Variants in LLGL2 observed in about 807,000 individuals in gnomAD.
The protein encoded by LLGL2 is LLGL scribble cell polarity complex component 2, also known as LLGL2, scribble cell polarity complex component.
Under a neutral mutation model 123.2 loss-of-function variants are expected in LLGL2, and 81 were observed. That is an observed-to-expected ratio of 0.66 (90% CI 0.55 to 0.79). The LOEUF (loss-of-function observed/expected upper bound fraction) is 0.79. Among genes scored for constraint, LLGL2 ranks in the 30% least tolerant of loss-of-function variants. The pLI is 0.00. For synonymous variants in LLGL2, 577 were observed against 594.1 expected (o/e 0.97, Z 0.42); for missense variants, 1,273 against 1,414.6 (o/e 0.90, Z 1.61).
At chr17:75,572,130 G>A in intron 19 of LLGL2, 66 bp downstream of exon 19, 1 of 1,493,204 alleles carries the variant, frequency 6.7e-7, no homozygotes, top group Non-Finnish European at 9.1e-7. Context: ...TCGGACCTTG[G>A]GCAAAAATGA....
At chr17:75,552,973 G>A (rs977456094) in intron 2 of LLGL2, among the ~76,000 whole-genome samples, 2 of 152,198 alleles carry the variant, frequency 1.3e-5, no homozygotes, top group South Asian at 2.1e-4. Context: ...AGCTGCCTCT[G>A]CTGCTGGGAA....
chr17:75,558,467 G>C lies in LLGL2; in HGVS notation c.256-45G>C, dbSNP rs1426057486. Reference sequence around the variant, plus strand: ...CGTGGCCCCAGTGTGTAAAGGCCTTGCCTGGGTAGCAAGACCACATGATCC... The same window carrying C: ...CGTGGCCCCAGTGTGTAAAGGCCTTCCCTGGGTAGCAAGACCACATGATCC... On this transcript the variant is annotated intron_variant, in intron 4 of 25. Transcript: ENST00000392550. The surrounding 1 kb of genome is among the most constrained non-coding windows in gnomAD (Gnocchi z 4.0). 1.3e-6 allele frequency: 2 copies of C among 1,510,132 alleles called. No individual in the cohort carries two copies. The highest frequency in any genetic ancestry group is 2.8e-5 in the African/African-American group (2 of 72,330). 93.5% of individuals were successfully genotyped at this position (1,510,132 alleles called of 1,614,324 possible).
At position 75,574,408 on chromosome 17, in the gene LLGL2, C is replaced by T. The variant is rs373944403; in HGVS notation, c.2954-45C>T. On this transcript the variant is annotated intron_variant, in intron 23 of 25. Transcript: ENST00000392550. ...AGGGGGTGGAAGGGCTGTGGCTAGC[C>T]GCCCCAAGGGCCTCAGTGGGCCTCT... The T allele has an allele frequency of 2.8e-5, 44 of 1,546,350 alleles. No individual in the cohort carries two copies. The South Asian group carries it at 3.7e-4, about 13-fold the overall frequency.
chr17:75,571,143 A>C, intron 17 of LLGL2, 43 bp downstream of exon 17: 2 of 1,531,486 alleles, frequency 1.3e-6, no homozygotes, highest in Non-Finnish European at 1.8e-6. Flanking sequence ...GGTAGTGGGC[A>C]GCAGACACCC....
chr17:75,573,262 C>T lies in LLGL2; in HGVS notation c.2709C>T (p.Phe903=), dbSNP rs764620516. 8 of 1,601,880 alleles carry T rather than the reference C, an allele frequency of 5.0e-6. No individual in the cohort carries two copies. Residue 903 remains phenylalanine, a synonymous_variant, in exon 20 of 26, where the codon TTC becomes TTT. Transcript: ENST00000392550. The stretch of plus-strand genomic sequence containing the variant: ...TCAGTGGCATCGCCTCCTGCGTCTT[C>T]ACCAAATATGGCCAAGGTGTTTGAG... ...EDVSGIASCV[F]TKYGQGFYLI...
intron 19 of LLGL2, 127 bp from the exon 20 acceptor site, chr17:75,572,887 G>T: frequency 8.8e-7 from 1 of 1,132,228 alleles, no homozygotes; most frequent in Non-Finnish European, 1.2e-6. Flanking sequence ...CCATGTCTGT[G>T]CATCTGAGAG....
chr17:75,570,730 C>A (rs1459340850), intron 16 of LLGL2, among the ~76,000 whole-genome samples: 1 of 152,232 alleles, frequency 6.6e-6, no homozygotes, highest in African/African-American at 2.4e-5. Flanking sequence ...CCCCAGTAAA[C>A]GTTAGTGATT....
rs143998947 is a variant in LLGL2, at chr17:75,570,237, G to A, written c.1856G>A (p.Arg619Gln). 19 of 1,601,368 alleles carry A rather than the reference G, an allele frequency of 1.2e-5. No homozygotes were observed. The highest frequency in any genetic ancestry group is 1.7e-5 in the Admixed American group (1 of 58,198). Reference sequence around the variant, plus strand: ...TTTGGCCTCTTTGACCACCAGCAGCGGCGGCAGGTCTTTGTTAAGTGAGCA... The same window carrying A: ...TTTGGCCTCTTTGACCACCAGCAGCAGCGGCAGGTCTTTGTTAAGTGAGCA... ...HGFGLFDHQQRRQVFVKCTLH... is the reference protein window; with the variant it reads ...HGFGLFDHQQQRQVFVKCTLH... The change falls in exon 15 of 26, where the codon CGG becomes CAG. Residue 619 changes from arginine (R) to glutamine (Q), a missense_variant. Transcript: ENST00000392550.
intron 1 of LLGL2, among the ~76,000 whole-genome samples, chr17:75,529,855 G>A (rs374580361): frequency 3.3e-5 from 5 of 152,012 alleles, no homozygotes; most frequent in East Asian, 3.9e-4. Flanking sequence ...GCAAGACTCC[G>A]TCTCAAACTA....
chr17:75,567,049 C>T (rs943492249), intron 10 of LLGL2, among the ~76,000 whole-genome samples: 1 of 152,192 alleles, frequency 6.6e-6, no homozygotes, highest in African/African-American at 2.4e-5. Flanking sequence ...AGCCATGGGA[C>T]AGCTGAGCCC....
intron 1 of LLGL2, among the ~76,000 whole-genome samples, chr17:75,533,211 G>A (rs1352758598): frequency 2.6e-5 from 4 of 151,436 alleles, no homozygotes; most frequent in African/African-American, 4.9e-5. Flanking sequence ...GTGTTAGCCA[G>A]GATGGTCTTG....
At chr17:75,573,700 C>T (rs899607080) in intron 21 of LLGL2, 69 bp downstream of exon 21, 23 of 1,237,002 alleles carry the variant, frequency 1.9e-5, no homozygotes, top group Non-Finnish European at 2.4e-5. Context: ...GATACCGAGG[C>T]TCCCACTGCT....
intron 2 of LLGL2, among the ~76,000 whole-genome samples, chr17:75,555,259 T>G (rs2054855312): frequency 6.6e-6 from 1 of 150,886 alleles, no homozygotes; most frequent in South Asian, 2.1e-4. Context: ...CAAGGTTACT[T>G]CTGGTTGTGG....
chr17:75,526,647 A>G (rs1292025026), intron 1 of LLGL2, among the ~76,000 whole-genome samples: 1 of 151,842 alleles, frequency 6.6e-6, no homozygotes, highest in African/African-American at 2.4e-5. Flanking sequence ...TCCCCTGGGG[A>G]TCCGTATGCG....
At chr17:75,568,927 G>A in intron 12 of LLGL2, 51 bp from the exon 13 acceptor site, 1 of 1,583,962 alleles carries the variant, frequency 6.3e-7, no homozygotes. Flanking sequence ...CAGCCCCTGG[G>A]CATCCCGGCT....
In LLGL2 at chr17:75,549,523, G is replaced by C. The variant is rs1464544428; in HGVS notation, c.75+6022G>C. Among the ~76,000 whole-genome samples the C allele has an allele frequency of 6.6e-6, 1 of 151,866 alleles. No individual in the cohort carries two copies. The highest frequency in any genetic ancestry group is 1.5e-5 in the Non-Finnish European group (1 of 67,936). ...ACCCAGCAGCCCCTGCGGAGGGCCA[G>C]GTTGTTCTGTATTGGCTTTCGAATG... On this transcript the variant is annotated intron_variant, in intron 2 of 25. Transcript: ENST00000392550. The surrounding 1 kb of genome is among the most constrained non-coding windows in gnomAD (Gnocchi z 4.0).
Position 75,571,022 on chromosome 17 carries a change from A to G in LLGL2, c.2098A>G (p.Ile700Val). 3.7e-6 allele frequency: 6 copies of G among 1,612,972 alleles called. No homozygotes were observed. The highest frequency in any genetic ancestry group is 5.1e-6 in the Non-Finnish European group (6 of 1,179,940). The change falls in exon 17 of 26, where the codon ATC becomes GTC. Residue 700 changes from isoleucine to valine, a missense_variant. Transcript: ENST00000392550. ...GGAGCTGGCGCCTGTGCAGCGCAAG[A>G]TCGAGGCTCGCTCGGCAGAGGACTC... ...NMELAPVQRK[I>V]EARSAEDSFT...
chr17:75,564,823 T>A lies in LLGL2; in HGVS notation c.1036+316T>A. The A allele has an allele frequency of 3.8e-6, 1 of 266,056 alleles. No individual in the cohort carries two copies. The highest frequency in any genetic ancestry group is 7.0e-6 in the Non-Finnish European group (1 of 142,770). 16.5% of individuals were successfully genotyped at this position (266,056 alleles called of 1,614,324 possible). Reference sequence around the variant, plus strand: ...AGGTTGCAGCGAACCAGGATCATGCTACTGTACTCAGCCTGGGTGACATAG... The same window carrying A: ...AGGTTGCAGCGAACCAGGATCATGCAACTGTACTCAGCCTGGGTGACATAG... On this transcript the variant is annotated intron_variant, in intron 10 of 25. Coordinates refer to ENST00000392550, the MANE Select transcript of LLGL2 (RefSeq NM_001031803.2). The surrounding 1 kb of genome is among the most constrained non-coding windows in gnomAD (Gnocchi z 4.9).
At position 75,549,066 on chromosome 17, in the gene LLGL2, G is replaced by T. The variant is rs1216812627; in HGVS notation, c.75+5565G>T. Among the ~76,000 whole-genome samples, 1 of 152,092 alleles carries T rather than the reference G, an allele frequency of 6.6e-6. No homozygotes were observed. Among genetic ancestry groups the T allele is most frequent in the Non-Finnish European group, 1.5e-5 (1 of 68,018 alleles). On this transcript the variant is annotated intron_variant, in intron 2 of 25. Coordinates refer to ENST00000392550, the MANE Select transcript of LLGL2 (RefSeq NM_001031803.2). The surrounding 1 kb of genome is among the most constrained non-coding windows in gnomAD (Gnocchi z 4.0). The stretch of plus-strand genomic sequence containing the variant: ...CACTGGCTGGGGTGAGGATGTCCTG[G>T]TTTCACCTGTGGTCTGGCTGTGTGG...
Sources: allele counts gnomAD v4.1 joint callset (sites outside exome capture counted in the v4.1 genomes callset), GRCh38; gene constraint gnomAD v4.1.1; non-coding constraint Gnocchi (gnomAD v3.1); transcripts MANE v1.5; gene names NCBI Gene and HGNC (gene_info 2026-07-23, HGNC 2026-07-21).